Variants in NIM1K observed in about 807,000 individuals in gnomAD.
NIM1K encodes the protein serine/threonine-protein kinase NIM1.
In NIM1K, 35 loss-of-function variants were observed where a neutral mutation model predicts 37.1. The observed-to-expected ratio is 0.94, with a 90% confidence interval of 0.72 to 1.25. The LOEUF (loss-of-function observed/expected upper bound fraction) is 1.25. Ranked by LOEUF, NIM1K falls within the 50% of genes most tolerant of loss-of-function variation. The probability of loss-of-function intolerance (pLI) is 0.00; values close to 1 mark genes in which losing one functional copy is unlikely to be tolerated. For missense variants in NIM1K, 564 were observed against 548.0 expected, an observed-to-expected ratio of 1.03 and a Z score of -0.29; for synonymous variants, 234 against 206.6, an observed-to-expected ratio of 1.13 and a Z score of -1.14.
intron 1 of NIM1K, chr5:43,233,188 G>A (rs1752567133): frequency 7.0e-6 from 8 of 1,138,520 alleles, no homozygotes; most frequent in Admixed American, 1.9e-5. Context: ...ACTGCTTCAC[G>A]GCTGCCGAGG....
At chr5:43,224,927 C>T (rs948144436) in intron 1 of NIM1K, among the ~76,000 whole-genome samples, 4 of 152,066 alleles carry the variant, frequency 2.6e-5, no homozygotes, top group African/African-American at 9.7e-5. Flanking sequence ...AACCCCTGAC[C>T]TTGTGATCCA....
intron 2 of NIM1K, among the ~76,000 whole-genome samples, chr5:43,276,140 G>A (rs765683264): frequency 4.5e-4 from 68 of 152,178 alleles, no homozygotes; most frequent in Non-Finnish European, 7.8e-4. Flanking sequence ...TGATCCTCCC[G>A]CCTTGGCCTC....
rs941960718 is a variant in NIM1K at position 43,279,508 on chromosome 5, T to C, written c.562-472T>C. Among the ~76,000 whole-genome samples, 5 of 152,320 alleles carry C rather than the reference T, an allele frequency of 3.3e-5. No individual in the cohort carries two copies. The East Asian group carries it at 9.6e-4, about 29-fold the overall frequency. On this transcript the variant is annotated intron_variant, in intron 3 of 3. Transcript: ENST00000326035. ...CACAGTGTGTTCTGTGGCTAGATCC[T>C]TGCCAAATGCAACCACCTCCCTTCG...
At chr5:43,250,464 A>T (rs1752852831) in intron 2 of NIM1K, among the ~76,000 whole-genome samples, 3 of 152,186 alleles carry the variant, frequency 2.0e-5, no homozygotes, top group Admixed American at 2.0e-4. Context: ...TTCTCTCAGC[A>T]TACATTCCTA....
intron 1 of NIM1K, among the ~76,000 whole-genome samples, chr5:43,237,662 A>G (rs1752641544): frequency 6.6e-6 from 1 of 152,118 alleles, no homozygotes; most frequent in Admixed American, 6.5e-5. Context: ...GTGCTTCAGA[A>G]CTCCTATTTC....
At chr5:43,206,395 G>A (rs1349702247) in intron 1 of NIM1K, among the ~76,000 whole-genome samples, 4 of 85,104 alleles carry the variant, frequency 4.7e-5, no homozygotes, top group African/African-American at 1.8e-4. Flanking sequence ...AGTTACTTGG[G>A]AAGCTTAAGG....
intron 1 of NIM1K, among the ~76,000 whole-genome samples, chr5:43,195,744 T>C (rs1360303978): frequency 6.6e-6 from 1 of 151,232 alleles, no homozygotes; most frequent in Non-Finnish European, 1.5e-5. Flanking sequence ...ATGAGCATTA[T>C]GAATATGAGC....
chr5:43,280,827 A>G lies in NIM1K; in HGVS notation c.*98A>G. The G allele has an allele frequency of 8.4e-7, 1 of 1,190,578 alleles. No homozygotes were observed. Among genetic ancestry groups the G allele is most frequent in the Non-Finnish European group, 1.2e-6 (1 of 866,042 alleles). The allele number at this position is 1,190,578 out of a possible 1,614,324, so 73.8% of individuals were successfully genotyped here. On this transcript the variant is annotated 3_prime_UTR_variant, in exon 4 of 4. Coordinates refer to ENST00000326035, the MANE Select transcript of NIM1K (RefSeq NM_153361.4). The stretch of plus-strand genomic sequence containing the variant: ...GTGGAGACATTTTTGTAATTTTTAA[A>G]TAAACTTAAATTTGAGATATGCATT...
chr5:43,242,175 G>A (rs1752712622), intron 1 of NIM1K, among the ~76,000 whole-genome samples: 1 of 152,004 alleles, frequency 6.6e-6, no homozygotes, highest in African/African-American at 2.4e-5. Context: ...GACAGAGACT[G>A]ATCATATTTG....
chr5:43,216,379 C>T (rs1336165558), intron 1 of NIM1K, among the ~76,000 whole-genome samples: 1 of 152,170 alleles, frequency 6.6e-6, no homozygotes, highest in African/African-American at 2.4e-5. Context: ...TGACCATGAA[C>T]ACAAAAAGCT....
At chr5:43,274,909 C>T (rs767657651) in intron 2 of NIM1K, among the ~76,000 whole-genome samples, 1 of 152,204 alleles carries the variant, frequency 6.6e-6, no homozygotes, top group Non-Finnish European at 1.5e-5. Flanking sequence ...CTTTGGGATC[C>T]TGTTCTGTCT....
chr5:43,212,579 C>T (rs1752220659), intron 1 of NIM1K, among the ~76,000 whole-genome samples: 1 of 152,120 alleles, frequency 6.6e-6, no homozygotes, highest in South Asian at 2.1e-4. Context: ...CTCATTCCTT[C>T]CTCCCATCTC....
At chr5:43,207,636 A>G (rs1208484411) in intron 1 of NIM1K, 1 of 618,732 alleles carries the variant, frequency 1.6e-6, no homozygotes, top group Non-Finnish European at 3.1e-6. Flanking sequence ...ACACAGGGGA[A>G]CTGTGTCAAT....
At chr5:43,269,140 C>T (rs868605417) in intron 2 of NIM1K, among the ~76,000 whole-genome samples, 5 of 143,642 alleles carry the variant, frequency 3.5e-5, no homozygotes, top group African/African-American at 1.0e-4. Flanking sequence ...GAAACTCCAT[C>T]TCTACTAAAT....
intron 1 of NIM1K, chr5:43,194,741 C>T (rs915545944): frequency 6.6e-6 from 1 of 152,026 alleles, no homozygotes; most frequent in African/African-American, 2.4e-5. Flanking sequence ...AGCTTGAAGC[C>T]CTCAGACTTA....
intron 1 of NIM1K, among the ~76,000 whole-genome samples, chr5:43,215,660 C>T (rs1752288721): frequency 6.6e-6 from 1 of 152,226 alleles, no homozygotes; most frequent in African/African-American, 2.4e-5. Flanking sequence ...TCCCCAGTCC[C>T]TGACCGCAAG....
In NIM1K at chr5:43,214,872, T is replaced by C. The variant is rs140776770; in HGVS notation, c.-695+22461T>C. Among the ~76,000 whole-genome samples, 683 of 150,994 alleles carry C rather than the reference T, an allele frequency of 4.5e-3. 5 individuals carry two copies. Among genetic ancestry groups the C allele is most frequent in the Admixed American group, 6.1e-3 (92 of 15,164 alleles). Reference sequence around the variant, plus strand: ...AAATGTGCCCATTTTGTGGACTTCATGGTTATTTAACTTACACCCTCCTTA... The same window carrying C: ...AAATGTGCCCATTTTGTGGACTTCACGGTTATTTAACTTACACCCTCCTTA... On this transcript the variant is annotated intron_variant, in intron 1 of 3. Transcript: ENST00000326035.
intron 1 of NIM1K, among the ~76,000 whole-genome samples, chr5:43,224,796 A>C (rs1398026924): frequency 6.7e-6 from 1 of 149,300 alleles, no homozygotes; most frequent in East Asian, 2.0e-4. Flanking sequence ...TCCTGCCTTC[A>C]AGCAATTCTC....
intron 1 of NIM1K, among the ~76,000 whole-genome samples, chr5:43,211,556 A>G (rs1026919725): frequency 3.3e-5 from 5 of 152,186 alleles, no homozygotes; most frequent in African/African-American, 1.2e-4. Context: ...AATATATCAT[A>G]TTCTGGAATA....
Sources: allele counts gnomAD v4.1 joint callset (sites outside exome capture counted in the v4.1 genomes callset), GRCh38; gene constraint gnomAD v4.1.1; transcripts MANE v1.5; gene names NCBI Gene and HGNC (gene_info 2026-07-23, HGNC 2026-07-21).